TANC2: variants seen among roughly 807,000 people sequenced by gnomAD.
The protein encoded by TANC2 is protein TANC2.
In TANC2, 26 loss-of-function variants were observed where a neutral mutation model predicts 210.5. That is an observed-to-expected ratio of 0.12 (90% CI 0.09 to 0.17). The LOEUF is 0.17. Among genes scored for constraint, TANC2 ranks in the 10% least tolerant of loss-of-function variants. TANC2 has a pLI of 1.00. For synonymous variants in TANC2, 931 were observed against 967.1 expected, an observed-to-expected ratio of 0.96 and a Z score of 0.69; for missense variants, 2,129 against 2,608.9, an observed-to-expected ratio of 0.82 and a Z score of 4.01.
intron 11 of TANC2, 138 bp downstream of exon 11, chr17:63,319,228 T>G: frequency 1.1e-6 from 1 of 914,046 alleles, no homozygotes; most frequent in Non-Finnish European, 1.6e-6. Flanking sequence ...TTTCTCTTTC[T>G]TTGATATTCC....
chr17:63,038,219 TTTC>T (rs2035051227), intron 2 of TANC2, among the ~76,000 whole-genome samples: 1 of 152,342 alleles, frequency 6.6e-6, no homozygotes, highest in Non-Finnish European at 1.5e-5. Flanking sequence ...GTTTTCTAGT[TTTC>T]TTCAAGTGCT....
intron 9 of TANC2, among the ~76,000 whole-genome samples, chr17:63,301,023 C>G (rs2044696013): frequency 6.6e-6 from 1 of 152,140 alleles, no homozygotes; most frequent in Non-Finnish European, 1.5e-5. Context: ...TTTTCTTCAT[C>G]TGTTGAGATG....
At chr17:63,128,358 T>C (rs2145197202) in intron 4 of TANC2, among the ~76,000 whole-genome samples, 2 of 152,300 alleles carry the variant, frequency 1.3e-5, no homozygotes, top group Middle Eastern at 6.8e-3. Context: ...GCCCCACAAA[T>C]GTATATGCCT....
chr17:63,249,425 T>G (rs1470783689), intron 8 of TANC2, among the ~76,000 whole-genome samples: 2 of 152,140 alleles, frequency 1.3e-5, no homozygotes, highest in Non-Finnish European at 2.9e-5. Flanking sequence ...CGGTCATCCT[T>G]GATGTCCAAA....
intron 1 of TANC2, among the ~76,000 whole-genome samples, chr17:63,000,176 C>T (rs1160721030): frequency 6.6e-6 from 1 of 152,156 alleles, no homozygotes; most frequent in Admixed American, 6.5e-5. Flanking sequence ...AACCCTGTCA[C>T]ACGCATTTTA....
chr17:63,353,303 A>G lies in TANC2; in HGVS notation c.1975-1480A>G, dbSNP rs181651483. The stretch of plus-strand genomic sequence containing the variant: ...CAGCAAGAGAGAAGACTCAAGAATG[A>G]ATCCTGGGTATGTTGTGAGCAAATG... On this transcript the variant is annotated intron_variant, in intron 13 of 27. Transcript: ENST00000689528. Among the ~76,000 whole-genome samples, 285 of 152,256 alleles carry G rather than the reference A, an allele frequency of 1.9e-3. 1 individual carries two copies. Among genetic ancestry groups the G allele is most frequent in the African/African-American group, 6.6e-3 (274 of 41,534 alleles).
At chr17:63,317,834 T>C (rs188202623) in intron 10 of TANC2, among the ~76,000 whole-genome samples, 6 of 152,296 alleles carry the variant, frequency 3.9e-5, no homozygotes, top group African/African-American at 1.4e-4. Flanking sequence ...CAAAAGGAAA[T>C]AGCTAGAAAG....
intron 1 of TANC2, among the ~76,000 whole-genome samples, chr17:62,988,295 C>CCTT (rs1298402282): frequency 0.022 from 2,483 of 111,704 alleles, 35 homozygotes; most frequent in South Asian, 0.042. Flanking sequence ...ACCTGGCTAA[C>CCTT]TTTTTTTTTT....
chr17:63,370,062 C>T lies in TANC2; in HGVS notation c.2583-9656C>T, dbSNP rs145144758. The stretch of plus-strand genomic sequence containing the variant: ...TCACCTAGCCTTTTGCTATAAACCT[C>T]ATAACTGATGTCCCAACTAGTATCC... On this transcript the variant is annotated intron_variant, in intron 14 of 27. Transcript: ENST00000689528. Among the ~76,000 whole-genome samples, 943 of 152,258 alleles carry T rather than the reference C, an allele frequency of 6.2e-3. 13 individuals carry two copies. Among genetic ancestry groups the T allele is most frequent in the African/African-American group, 0.021 (865 of 41,542 alleles).
intron 19 of TANC2, 71 bp from the exon 20 acceptor site, chr17:63,405,051 T>A: frequency 7.0e-7 from 1 of 1,419,784 alleles, no homozygotes; most frequent in South Asian, 1.8e-5. Context: ...CACAAGGATA[T>A]GTCACGTTTA....
At chr17:63,273,496 C>A (rs532539812) in intron 9 of TANC2, among the ~76,000 whole-genome samples, 1 of 151,992 alleles carries the variant, frequency 6.6e-6, no homozygotes, top group Non-Finnish European at 1.5e-5. Context: ...GTGGAAAATT[C>A]CACTGTACAC....
intron 2 of TANC2, among the ~76,000 whole-genome samples, chr17:63,013,780 A>AT (rs1301553878): frequency 6.6e-6 from 1 of 151,354 alleles, no homozygotes; most frequent in Non-Finnish European, 1.5e-5. Flanking sequence ...AAAAAAAAAA[A>AT]AAAAAAATCT....
At chr17:63,233,029 G>A (rs2042521386) in intron 7 of TANC2, among the ~76,000 whole-genome samples, 1 of 152,208 alleles carries the variant, frequency 6.6e-6, no homozygotes, top group Non-Finnish European at 1.5e-5. Context: ...AGGCAGTCTG[G>A]CCACAATCTG....
At chr17:63,243,919 A>G (rs999296620) in intron 8 of TANC2, among the ~76,000 whole-genome samples, 3 of 152,222 alleles carry the variant, frequency 2.0e-5, no homozygotes, top group African/African-American at 7.2e-5. Flanking sequence ...AACCATGTCA[A>G]TTAAGTCTTT....
chr17:63,192,998 A>C lies in TANC2; in HGVS notation c.434-993A>C, dbSNP rs537836394. Among the ~76,000 whole-genome samples, 96 of 152,206 alleles carry C rather than the reference A, an allele frequency of 6.3e-4. 1 individual carries two copies. Among genetic ancestry groups the C allele is most frequent in the Non-Finnish European group, 1.1e-3 (75 of 68,016 alleles). ...AGCCCCAGAATATCTAGAGGTCTGG[A>C]ATCTACAATGAGAAAAATTTGCAAA... On this transcript the variant is annotated intron_variant, in intron 5 of 27. Coordinates refer to ENST00000689528, the Ensembl canonical transcript of TANC2.
At chr17:63,123,060 T>C (rs2038547732) in intron 4 of TANC2, among the ~76,000 whole-genome samples, 1 of 151,804 alleles carries the variant, frequency 6.6e-6, no homozygotes, top group Non-Finnish European at 1.5e-5. Flanking sequence ...CCATGGAAAA[T>C]GTATAAAGAG....
chr17:63,307,212 G>T (rs1306950434), intron 9 of TANC2, among the ~76,000 whole-genome samples: 2 of 152,140 alleles, frequency 1.3e-5, no homozygotes, highest in African/African-American at 4.8e-5. Flanking sequence ...GTAGGGGAGT[G>T]ATATGGTCCT....
Position 63,420,725 on chromosome 17 carries a change from A to G in TANC2, c.4995A>G (p.Leu1665=), listed in dbSNP as rs2049000525. Residue 1665 remains leucine, a synonymous_variant, in exon 28 of 28, where the codon TTA becomes TTG. Transcript: ENST00000689528. The surrounding 1 kb of genome is among the most constrained non-coding windows in gnomAD (Gnocchi z 4.2). ...TTCCTGGCAGACCCAAATCTCCATT[A>G]TCCAAAATGGCCCAGCGGCCCTACC... is the stretch of plus-strand genomic sequence containing the variant. 2 of 1,613,972 alleles carry G rather than the reference A, an allele frequency of 1.2e-6. No individual in the cohort carries two copies. The highest frequency in any genetic ancestry group is 1.3e-5 in the African/African-American group (1 of 75,032).
exon 28 of TANC2, chr17:63,423,798 C>T (rs1456056526): frequency 2.0e-5 from 3 of 152,280 alleles, no homozygotes; most frequent in African/African-American, 7.2e-5. Context: ...ACTCAAGCCC[C>T]AGCCTCTTTC....
Sources: gnomAD v4.1 joint callset for allele counts (sites outside exome capture counted in the v4.1 genomes callset) on GRCh38, gnomAD v4.1.1 for gene constraint, Gnocchi (gnomAD v3.1) non-coding constraint, MANE v1.5 for transcripts, NCBI Gene and HGNC (gene_info 2026-07-23, HGNC 2026-07-21) for gene names.